Variants in RGS5 observed in about 807,000 individuals in gnomAD.
The protein encoded by RGS5 is regulator of G protein signaling 5, also known as regulator of G-protein signalling 5.
Under a neutral mutation model 18.9 loss-of-function variants are expected in RGS5, and 20 were observed. The ratio of observed to expected loss-of-function variants is 1.06; its 90% CI spans 0.74 to 1.54. RGS5 has a LOEUF of 1.54. Ranked by LOEUF, RGS5 falls within the 40% of genes most tolerant of loss-of-function variation. The probability of loss-of-function intolerance (pLI) is 0.00; values close to 1 mark genes in which losing one functional copy is unlikely to be tolerated. For missense variants in RGS5, 201 were observed against 211.8 expected (o/e 0.95, Z 0.32); for synonymous variants, 57 against 76.2 (o/e 0.75, Z 1.31).
intron 1 of RGS5, among the ~76,000 whole-genome samples, chr1:163,189,032 T>C (rs1659221076): frequency 6.9e-6 from 1 of 145,676 alleles, no homozygotes; most frequent in South Asian, 2.3e-4. Context: ...TTTCCCCACA[T>C]AAATGCCATG....
Position 163,145,489 on chromosome 1 carries a change from A to G in RGS5, c.*1853T>C, listed in dbSNP as rs972629031. ...AAATTTTTATCTGAGTTCCTTGTCA[A>G]TCCTACACAATTGCATGCAATGAGA... On this transcript the variant is annotated 3_prime_UTR_variant, in exon 5 of 5. Transcript: ENST00000313961. 3 of 152,070 alleles carry G rather than the reference A, an allele frequency of 2.0e-5. No homozygotes were observed. Among genetic ancestry groups the G allele is most frequent in the Admixed American group, 1.3e-4 (2 of 15,246 alleles). 9.4% of individuals were successfully genotyped at this position (152,070 alleles called of 1,614,324 possible).
chr1:163,159,460 T>A (rs923690801), intron 3 of RGS5, among the ~76,000 whole-genome samples: 2 of 152,198 alleles, frequency 1.3e-5, no homozygotes, highest in African/African-American at 4.8e-5. Flanking sequence ...TGCCATGGCT[T>A]CAGTCGATCC....
intron 1 of RGS5, chr1:163,212,142 G>A (rs1329972329): frequency 1.3e-5 from 2 of 152,112 alleles, no homozygotes; most frequent in Admixed American, 6.5e-5. Context: ...TGGTTCCCAT[G>A]TCTGAATGAG....
chr1:163,293,503 T>A (rs1316112172), intron 2 of RGS5, among the ~76,000 whole-genome samples: 1 of 152,170 alleles, frequency 6.6e-6, no homozygotes, highest in Non-Finnish European at 1.5e-5. Flanking sequence ...GGTCCCTTCC[T>A]TGACACTTAG....
chr1:163,220,226 C>A (rs1452862499), upstream of RGS5, among the ~76,000 whole-genome samples: 1 of 152,092 alleles, frequency 6.6e-6, no homozygotes, highest in Non-Finnish European at 1.5e-5. Context: ...CAATTATTCT[C>A]TATGTTTTTC....
At chr1:163,255,322 G>C (rs111680652) in intron 2 of RGS5, among the ~76,000 whole-genome samples, 2 of 151,934 alleles carry the variant, frequency 1.3e-5, no homozygotes, top group African/African-American at 2.4e-5. Flanking sequence ...CTTTTATTTC[G>C]TTGATCAGTG....
At chr1:163,294,619 C>T (rs1044370182) in intron 2 of RGS5, among the ~76,000 whole-genome samples, 5 of 152,248 alleles carry the variant, frequency 3.3e-5, no homozygotes, top group African/African-American at 1.2e-4. Context: ...TGGCTATTAA[C>T]ATTTGGCTCC....
chr1:163,283,947 C>T (rs1461401012), intron 2 of RGS5, among the ~76,000 whole-genome samples: 3 of 152,126 alleles, frequency 2.0e-5, no homozygotes, highest in Non-Finnish European at 4.4e-5. Flanking sequence ...CTTTGAGACC[C>T]TAAACAGAAA....
At position 163,264,172 on chromosome 1, in the gene RGS5, C is replaced by T. The variant is rs572915636; in HGVS notation, c.-281+42061G>A. Reference sequence around the variant, plus strand: ...TTTAAGGCATTATATCTTTAGAGTACCCTCTGCTAAATGTGTGCCCCAAGG... The same window carrying T: ...TTTAAGGCATTATATCTTTAGAGTATCCTCTGCTAAATGTGTGCCCCAAGG... On this transcript the variant is annotated intron_variant, in intron 2 of 5. Transcript: ENST00000618415. Among the ~76,000 whole-genome samples, 4 of 152,096 alleles carry T rather than the reference C, an allele frequency of 2.6e-5. No homozygotes were observed. The South Asian group carries it at 8.3e-4, about 32-fold the overall frequency.
intron 2 of RGS5, among the ~76,000 whole-genome samples, chr1:163,258,712 G>A (rs1648345605): frequency 6.6e-6 from 1 of 151,976 alleles, no homozygotes; most frequent in Non-Finnish European, 1.5e-5. Flanking sequence ...CTGTTGCCTA[G>A]GGTGGAGTGC....
At chr1:163,258,645 CTGTGTGTGTGTGTG>C (rs113301415) in intron 2 of RGS5, among the ~76,000 whole-genome samples, 2 of 148,394 alleles carry the variant, frequency 1.3e-5, no homozygotes, top group Admixed American at 6.7e-5. Flanking sequence ...GTAAGTGTGT[CTGTGTGTGTGTGTG>C]TGTGTGTGTG....
intron 1 of RGS5, among the ~76,000 whole-genome samples, chr1:163,199,937 C>T (rs566994033): frequency 5.3e-5 from 8 of 152,140 alleles, no homozygotes; most frequent in African/African-American, 9.6e-5. Context: ...TCCCAAAGTG[C>T]GAGGATTATA....
At chr1:163,171,733 A>G in intron 1 of RGS5, among the ~76,000 whole-genome samples, 1 of 152,226 alleles carries the variant, frequency 6.6e-6, no homozygotes, top group Non-Finnish European at 1.5e-5. Context: ...TAGTGACTTA[A>G]TTCATTTATT....
chr1:163,216,321 A>G (rs1660216885), intron 1 of RGS5, among the ~76,000 whole-genome samples: 1 of 152,138 alleles, frequency 6.6e-6, no homozygotes, highest in Admixed American at 6.5e-5. Flanking sequence ...TTGAGCTTCA[A>G]TTCCCTTGCA....
chr1:163,285,473 C>T (rs934077822), intron 2 of RGS5, among the ~76,000 whole-genome samples: 4 of 151,962 alleles, frequency 2.6e-5, no homozygotes, highest in African/African-American at 9.7e-5. Context: ...TATTTGAACC[C>T]TGGAGGTGGA....
At chr1:163,167,539 T>C (rs932712828) in intron 2 of RGS5, among the ~76,000 whole-genome samples, 10 of 152,154 alleles carry the variant, frequency 6.6e-5, no homozygotes, top group Non-Finnish European at 1.3e-4. Flanking sequence ...CATGACTCTT[T>C]AGAAGTAATA....
intron 4 of RGS5, 24 bp from the exon 5 acceptor site, chr1:163,147,527 C>CTGT (rs747018799): frequency 5.9e-6 from 9 of 1,522,352 alleles, no homozygotes; most frequent in Admixed American, 2.2e-5. Context: ...AACAGGGTCA[C>CTGT]TACATAAGCC....
intron 2 of RGS5, among the ~76,000 whole-genome samples, chr1:163,273,328 G>A (rs974447488): frequency 2.6e-5 from 4 of 151,980 alleles, no homozygotes; most frequent in African/African-American, 9.7e-5. Context: ...TATTAAGAGT[G>A]GGTATTGAAA....
chr1:163,176,749 T>C (rs1465723969), intron 1 of RGS5, among the ~76,000 whole-genome samples: 1 of 152,236 alleles, frequency 6.6e-6, no homozygotes, highest in African/African-American at 2.4e-5. Context: ...CGCTATAATA[T>C]GTTTTGATAT....
Sources: allele counts gnomAD v4.1 joint callset (sites outside exome capture counted in the v4.1 genomes callset), GRCh38; gene constraint gnomAD v4.1.1; transcripts MANE v1.5; gene names NCBI Gene and HGNC (gene_info 2026-07-23, HGNC 2026-07-21).